The following CCDC171 variants were observed in gnomAD, a reference collection of about 807,000 sequenced individuals.
CCDC171 encodes the protein coiled-coil domain containing 171, also known as coiled-coil domain-containing protein 171.
In CCDC171, 177 loss-of-function variants were observed where a neutral mutation model predicts 168.2. The ratio of observed to expected loss-of-function variants is 1.05; its 90% CI spans 0.93 to 1.19. The LOEUF (loss-of-function observed/expected upper bound fraction) is 1.19, where lower values mean the gene tolerates loss of function less well. Among genes scored for constraint, CCDC171 ranks in the 50% most tolerant of loss-of-function variants. The pLI is 0.00. For missense variants in CCDC171, 1,991 were observed against 1,539.0 expected, an observed-to-expected ratio of 1.29 and a Z score of -4.91; for synonymous variants, 687 against 540.8, an observed-to-expected ratio of 1.27 and a Z score of -3.75.
chr9:15,883,919 T>C (rs1181586884), intron 24 of CCDC171, among the ~76,000 whole-genome samples: 1 of 152,190 alleles, frequency 6.6e-6, no homozygotes, highest in Non-Finnish European at 1.5e-5. Context: ...TTACAGAAGG[T>C]TGAAGCAGTT....
intron 3 of CCDC171, among the ~76,000 whole-genome samples, chr9:15,577,895 T>A (rs2040797657): frequency 6.6e-6 from 1 of 152,152 alleles, no homozygotes; most frequent in African/African-American, 2.4e-5. Context: ...CATCTTCACT[T>A]CTCCTGCTGT....
Position 15,588,981 on chromosome 9 carries a change from A to G in CCDC171, c.353-2385A>G, listed in dbSNP as rs541732175. On this transcript the variant is annotated intron_variant, in intron 4 of 25. Transcript: ENST00000380701. ...TGCCTCGGCCTCCCAAAGGGCTTGGATTACAGGCGTGAGCCACCGCACCCA... is the reference window on the plus strand; with the variant it reads ...TGCCTCGGCCTCCCAAAGGGCTTGGGTTACAGGCGTGAGCCACCGCACCCA... Among the ~76,000 whole-genome samples the G allele has an allele frequency of 9.9e-5, 15 of 151,554 alleles. No homozygotes were observed. The South Asian group carries it at 3.1e-3, about 32-fold the overall frequency.
chr9:15,664,317 T>G (rs564426262), intron 8 of CCDC171, among the ~76,000 whole-genome samples: 2 of 152,184 alleles, frequency 1.3e-5, no homozygotes, highest in South Asian at 4.2e-4. Context: ...GGTGCGATCT[T>G]GGCTCACTAC....
At chr9:16,076,410 C>T in the CCDC171 span, among the ~76,000 whole-genome samples, 1 of 152,198 alleles carries the variant, frequency 6.6e-6, no homozygotes, top group Non-Finnish European at 1.5e-5. Flanking sequence ...TCCAGTCTTC[C>T]TTCTCGTTTT....
At chr9:15,838,971 C>T (rs1213535709) in intron 21 of CCDC171, among the ~76,000 whole-genome samples, 1 of 151,944 alleles carries the variant, frequency 6.6e-6, no homozygotes, top group Non-Finnish European at 1.5e-5. Context: ...GCTGTTGTTG[C>T]CAACTTATAA....
the CCDC171 span, among the ~76,000 whole-genome samples, chr9:16,071,665 C>G: frequency 1.7e-4 from 26 of 152,358 alleles, no homozygotes; most frequent in South Asian, 5.2e-3. Flanking sequence ...CTTCCCAACC[C>G]TGGAATCACA....
At chr9:15,646,200 G>A (rs1272845793) in intron 7 of CCDC171, among the ~76,000 whole-genome samples, 3 of 152,158 alleles carry the variant, frequency 2.0e-5, no homozygotes, top group Non-Finnish European at 2.9e-5. Flanking sequence ...CAAATGCTGA[G>A]AGATTTTGTC....
intron 24 of CCDC171, among the ~76,000 whole-genome samples, chr9:15,914,637 C>G (rs1393289276): frequency 6.6e-6 from 1 of 151,996 alleles, no homozygotes; most frequent in Non-Finnish European, 1.5e-5. Context: ...GCTTCAGGCC[C>G]CTTTCCAGGG....
chr9:15,682,603 T>A (rs1050895478), intron 10 of CCDC171, among the ~76,000 whole-genome samples: 3 of 151,896 alleles, frequency 2.0e-5, no homozygotes, highest in South Asian at 2.1e-4. Flanking sequence ...CTAATTATAC[T>A]TTTATATTAA....
At chr9:15,675,820 CA>C (rs918022143) in intron 9 of CCDC171, among the ~76,000 whole-genome samples, 25 of 152,232 alleles carry the variant, frequency 1.6e-4, no homozygotes, top group African/African-American at 5.8e-4. Context: ...TCCTTCATTT[CA>C]ATCTTGGTGA....
intron 21 of CCDC171, among the ~76,000 whole-genome samples, chr9:15,836,616 C>G (rs990327796): frequency 2.0e-5 from 3 of 152,090 alleles, no homozygotes; most frequent in African/African-American, 4.8e-5. Context: ...CTCCCAAAGT[C>G]CTGGGATTAC....
intron 11 of CCDC171, among the ~76,000 whole-genome samples, chr9:15,710,169 A>G (rs2052553034): frequency 6.6e-6 from 1 of 152,200 alleles, no homozygotes; most frequent in Non-Finnish European, 1.5e-5. Flanking sequence ...AAAATTTCTT[A>G]GTGTCATAAA....
chr9:15,594,750 A>G (rs371900326), intron 6 of CCDC171, among the ~76,000 whole-genome samples: 50 of 152,232 alleles, frequency 3.3e-4, no homozygotes, highest in African/African-American at 1.1e-3. Flanking sequence ...CAGGTCTCTG[A>G]ATTCTCACTC....
At chr9:16,071,835 C>A in the CCDC171 span, among the ~76,000 whole-genome samples, 93 of 152,294 alleles carry the variant, frequency 6.1e-4, no homozygotes, top group African/African-American at 2.1e-3. Context: ...TTGGGATTCC[C>A]TTAAAAGCCT....
At chr9:15,562,095 A>G (rs1383359947) in intron 1 of CCDC171, among the ~76,000 whole-genome samples, 2 of 151,990 alleles carry the variant, frequency 1.3e-5, no homozygotes, top group Admixed American at 6.6e-5. Context: ...CCTGGGTTCA[A>G]GCGATTCTCC....
chr9:16,007,093 A>T (rs1411978516), intron 3 of CCDC171, among the ~76,000 whole-genome samples: 1 of 151,912 alleles, frequency 6.6e-6, no homozygotes, highest in East Asian at 1.9e-4. Flanking sequence ...TCCAGCACCC[A>T]TTGTTTCCTG....
chr9:15,704,906 C>T (rs1420508243), intron 11 of CCDC171, among the ~76,000 whole-genome samples: 1 of 152,112 alleles, frequency 6.6e-6, no homozygotes, highest in African/African-American at 2.4e-5. Context: ...TCTGCTTCCA[C>T]CTTTGCTCCC....
chr9:15,807,698 A>G (rs2059143199), intron 21 of CCDC171, among the ~76,000 whole-genome samples: 1 of 151,940 alleles, frequency 6.6e-6, no homozygotes, highest in South Asian at 2.1e-4. Context: ...TGTTCAAGCA[A>G]AGACACAGGA....
intron 21 of CCDC171, among the ~76,000 whole-genome samples, chr9:15,793,395 G>A (rs573457652): frequency 6.6e-6 from 1 of 151,984 alleles, no homozygotes; most frequent in Non-Finnish European, 1.5e-5. Flanking sequence ...ACACCCCACT[G>A]TCAGCATTAG....
Sources: allele counts gnomAD v4.1 joint callset (sites outside exome capture counted in the v4.1 genomes callset), GRCh38; gene constraint gnomAD v4.1.1; transcripts MANE v1.5; gene names NCBI Gene and HGNC (gene_info 2026-07-23, HGNC 2026-07-21).